The following PCDH15 variants were observed in gnomAD, a reference collection of about 807,000 sequenced individuals.
PCDH15 encodes protocadherin-15.
Under a neutral mutation model 178.5 loss-of-function variants are expected in PCDH15, and 129 were observed. The observed-to-expected ratio is 0.72, with a 90% CI of 0.63 to 0.84. PCDH15 has a LOEUF of 0.84. Ranked by LOEUF, PCDH15 falls within the 40% of genes least tolerant of loss-of-function variation. PCDH15 has a pLI of 0.00. For synonymous variants in PCDH15, 800 were observed against 732.0 expected (o/e 1.09, Z -1.50); for missense variants, 2,230 against 2,099.9 (o/e 1.06, Z -1.21).
At chr10:55,457,072 A>G (rs770237738) in intron 2 of PCDH15, among the ~76,000 whole-genome samples, 1 of 152,090 alleles carries the variant, frequency 6.6e-6, no homozygotes, top group African/African-American at 2.4e-5. Flanking sequence ...TGAGCATACA[A>G]TGTGAAAGTA....
chr10:55,051,101 AC>A (rs1283534905), intron 2 of PCDH15, among the ~76,000 whole-genome samples: 1 of 151,992 alleles, frequency 6.6e-6, no homozygotes, highest in East Asian at 1.9e-4. Flanking sequence ...CTGGATTTAC[AC>A]CTTTTTCTTT....
At chr10:54,488,945 A>G (rs1421799799) in intron 3 of PCDH15, among the ~76,000 whole-genome samples, 1 of 152,060 alleles carries the variant, frequency 6.6e-6, no homozygotes, top group African/African-American at 2.4e-5. Context: ...CCAAATATTA[A>G]CAGCGCAAAA....
chr10:54,282,659 G>A (rs1287227049), intron 8 of PCDH15, among the ~76,000 whole-genome samples: 2 of 151,960 alleles, frequency 1.3e-5, no homozygotes, highest in African/African-American at 4.8e-5. Flanking sequence ...TGGTGATTAA[G>A]GTGATGAGTC....
intron 9 of PCDH15, among the ~76,000 whole-genome samples, chr10:54,236,523 A>C (rs570248081): frequency 6.6e-6 from 1 of 152,232 alleles, no homozygotes; most frequent in East Asian, 1.9e-4. Flanking sequence ...TGCTAGAGGA[A>C]GTTTTATATG....
intron 2 of PCDH15, among the ~76,000 whole-genome samples, chr10:55,438,480 C>T (rs1839101309): frequency 1.3e-5 from 2 of 152,014 alleles, no homozygotes; most frequent in South Asian, 2.1e-4. Context: ...AGTATAATGG[C>T]TAAAGTAATA....
At chr10:54,672,483 A>C (rs2135520269) in intron 1 of PCDH15, among the ~76,000 whole-genome samples, 1 of 152,240 alleles carries the variant, frequency 6.6e-6, no homozygotes, top group South Asian at 2.1e-4. Flanking sequence ...CACATTGGAG[A>C]AAGATAAATC....
chr10:54,218,772 A>G (rs2064525879), intron 9 of PCDH15, among the ~76,000 whole-genome samples: 2 of 152,328 alleles, frequency 1.3e-5, no homozygotes, highest in African/African-American at 4.8e-5. Flanking sequence ...AGAAACAAAC[A>G]AAATATGTTA....
chr10:54,823,093 G>C (rs185637444), intron 3 of PCDH15, among the ~76,000 whole-genome samples: 8 of 151,946 alleles, frequency 5.3e-5, no homozygotes, highest in African/African-American at 1.7e-4. Context: ...TGTTGGCCAG[G>C]TTGGTCTCAA....
At chr10:55,058,755 AG>A (rs1284554110) in intron 2 of PCDH15, among the ~76,000 whole-genome samples, 2 of 152,190 alleles carry the variant, frequency 1.3e-5, no homozygotes, top group Non-Finnish European at 2.9e-5. Context: ...TGTGTGTTCT[AG>A]AAAGGTCACT....
chr10:54,929,755 T>C (rs1266299643), intron 2 of PCDH15, among the ~76,000 whole-genome samples: 1 of 152,186 alleles, frequency 6.6e-6, no homozygotes, highest in African/African-American at 2.4e-5. Flanking sequence ...TGTCAGTGAA[T>C]CTGCAACTAT....
intron 1 of PCDH15, among the ~76,000 whole-genome samples, chr10:55,211,113 G>T (rs567383704): frequency 1.8e-4 from 27 of 152,192 alleles, no homozygotes; most frequent in Middle Eastern, 3.4e-3. Context: ...AAATGGCAGG[G>T]TCAAGGTAAT....
At chr10:53,896,258 C>A (rs2081941427) in intron 26 of PCDH15, among the ~76,000 whole-genome samples, 1 of 152,054 alleles carries the variant, frequency 6.6e-6, no homozygotes, top group African/African-American at 2.4e-5. Context: ...CTTCAAAGCC[C>A]AGCAGAAACA....
chr10:55,253,489 A>G (rs1446560561), intron 1 of PCDH15, among the ~76,000 whole-genome samples: 2 of 152,124 alleles, frequency 1.3e-5, no homozygotes, highest in South Asian at 2.1e-4. Flanking sequence ...AATTGTTATC[A>G]TAGTTTAACT....
intron 2 of PCDH15, among the ~76,000 whole-genome samples, chr10:55,372,263 C>A (rs1845523793): frequency 6.6e-6 from 1 of 152,122 alleles, no homozygotes; most frequent in Admixed American, 6.6e-5. Context: ...CCACACATTT[C>A]TCATTTTAAT....
At chr10:54,766,544 G>GAAAA (rs58039735) in intron 1 of PCDH15, among the ~76,000 whole-genome samples, 153 of 143,048 alleles carry the variant, frequency 1.1e-3, no homozygotes, top group African/African-American at 3.6e-3. Context: ...ATTGATACAA[G>GAAAA]AAAAAAAAAA....
At chr10:55,533,429 C>G (rs12250581) in intron 2 of PCDH15, among the ~76,000 whole-genome samples, 1 of 151,980 alleles carries the variant, frequency 6.6e-6, no homozygotes, top group Non-Finnish European at 1.5e-5. Flanking sequence ...TTTCTATACA[C>G]TAATAATGTC....
intron 2 of PCDH15, among the ~76,000 whole-genome samples, chr10:55,608,438 T>C (rs561115072): frequency 6.6e-6 from 1 of 151,602 alleles, no homozygotes; most frequent in Admixed American, 6.6e-5. Context: ...TTTCTGTACT[T>C]CATTGGGTAG....
chr10:53,910,155 G>A (rs1481743396), intron 25 of PCDH15, among the ~76,000 whole-genome samples: 3 of 152,112 alleles, frequency 2.0e-5, no homozygotes, highest in African/African-American at 7.2e-5. Context: ...GAGAGCAATG[G>A]TTCTCCCAGC....
intron 29 of PCDH15, among the ~76,000 whole-genome samples, chr10:53,840,027 A>T (rs1459746701): frequency 6.6e-6 from 1 of 152,194 alleles, no homozygotes; most frequent in East Asian, 1.9e-4. Context: ...CCCTTGAGCA[A>T]GAGTGAGGAG....
Sources: allele counts gnomAD v4.1 joint callset (sites outside exome capture counted in the v4.1 genomes callset), GRCh38; gene constraint gnomAD v4.1.1; transcripts MANE v1.5; gene names NCBI Gene and HGNC (gene_info 2026-07-23, HGNC 2026-07-21).